RELN: variants seen among roughly 807,000 people sequenced by gnomAD.
RELN encodes reelin.
RELN carries 108 observed loss-of-function variants against 427.6 expected under a neutral mutation model. The observed-to-expected ratio is 0.25, with a 90% CI of 0.22 to 0.30. The LOEUF is 0.30. Among genes scored for constraint, RELN ranks in the 10% least tolerant of loss-of-function variants. RELN has a pLI of 1.00. For missense variants in RELN, 3,715 were observed against 4,302.8 expected (o/e 0.86, Z 3.82); for synonymous variants, 1,524 against 1,513.4 (o/e 1.01, Z -0.16).
chr7:103,974,917 T>C (rs910299246), intron 1 of RELN, among the ~76,000 whole-genome samples: 3 of 152,236 alleles, frequency 2.0e-5, no homozygotes, highest in African/African-American at 7.2e-5. Flanking sequence ...TTTAAATCTA[T>C]TATAGTTTCT....
chr7:103,507,385 A>G (rs965566571), intron 51 of RELN, among the ~76,000 whole-genome samples: 3 of 152,196 alleles, frequency 2.0e-5, no homozygotes, highest in Non-Finnish European at 1.5e-5. Context: ...AACTCACTCA[A>G]ATCCACACAA....
chr7:103,983,103 C>G (rs1362786154), intron 1 of RELN, among the ~76,000 whole-genome samples: 2 of 152,172 alleles, frequency 1.3e-5, no homozygotes, highest in African/African-American at 4.8e-5. Flanking sequence ...GGATTCAATG[C>G]TATCTAATTA....
At chr7:103,587,953 A>G (rs1296883509) in intron 28 of RELN, among the ~76,000 whole-genome samples, 2 of 152,200 alleles carry the variant, frequency 1.3e-5, no homozygotes, top group Non-Finnish European at 2.9e-5. Flanking sequence ...GTAAACTAGT[A>G]CAGCCACTGT....
At chr7:103,638,567 A>G (rs1832631662) in intron 17 of RELN, among the ~76,000 whole-genome samples, 1 of 152,184 alleles carries the variant, frequency 6.6e-6, no homozygotes, top group Non-Finnish European at 1.5e-5. Context: ...TTTCTGTGTG[A>G]TTTTGCTCAA....
In RELN at chr7:103,575,645, A is replaced by T. The variant is rs1830981014; in HGVS notation, c.4206T>A (p.Gly1402=). The change falls in exon 29 of 65, where the codon GGT becomes GGA. Residue 1402 remains glycine, a synonymous_variant. Transcript: ENST00000428762. ...GCTCGGATATGTACACTCCATCTAAACCAAATGGAGGCACGTTTTTCTGTG... is the reference window on the plus strand; with the variant it reads ...GCTCGGATATGTACACTCCATCTAATCCAAATGGAGGCACGTTTTTCTGTG... ...SSSQKNVPPF[G]LDGVYISEPC... 1 of 1,613,964 alleles carries T rather than the reference A, an allele frequency of 6.2e-7. No homozygotes were observed. Among genetic ancestry groups the T allele is most frequent in the South Asian group, 1.1e-5 (1 of 91,078 alleles).
chr7:103,909,769 TAA>T (rs1795314218), intron 2 of RELN, among the ~76,000 whole-genome samples: 1 of 86,888 alleles, frequency 1.2e-5, no homozygotes, highest in East Asian at 3.7e-4. Flanking sequence ...TATATATATT[TAA>T]TATATATAAA....
At chr7:103,790,069 C>A (rs958398800) in intron 3 of RELN, among the ~76,000 whole-genome samples, 8 of 152,116 alleles carry the variant, frequency 5.3e-5, no homozygotes, top group African/African-American at 1.7e-4. Context: ...TCATTCTCAG[C>A]AAACTAACAC....
chr7:103,860,013 T>G (rs1010143381), intron 2 of RELN, among the ~76,000 whole-genome samples: 2 of 152,152 alleles, frequency 1.3e-5, no homozygotes, highest in African/African-American at 4.8e-5. Flanking sequence ...TTAAGCTCTA[T>G]CCTCTAAAGG....
rs775279412 is a variant in RELN at position 103,497,809 on chromosome 7, C to T, written c.8950+11G>A. On this transcript the variant is annotated intron_variant, in intron 55 of 64. Coordinates refer to ENST00000428762, the MANE Select transcript of RELN (RefSeq NM_005045.4). ...CTGCTCCAAGGGGTGGTTTTCACCC[C>T]TGACACATGCCTCCATCGGTAGAGT... The T allele has an allele frequency of 2.5e-6, 4 of 1,612,916 alleles. No individual in the cohort carries two copies. Among genetic ancestry groups the T allele is most frequent in the African/African-American group, 2.7e-5 (2 of 75,024 alleles).
At chr7:103,554,364 C>T (rs1368436634) in intron 38 of RELN, among the ~76,000 whole-genome samples, 1 of 151,122 alleles carries the variant, frequency 6.6e-6, no homozygotes, top group South Asian at 2.1e-4. Flanking sequence ...ATTGCCCAAG[C>T]CTGGGCAATA....
intron 29 of RELN, among the ~76,000 whole-genome samples, chr7:103,575,235 G>T (rs999348371): frequency 3.3e-5 from 5 of 152,186 alleles, no homozygotes; most frequent in Non-Finnish European, 5.9e-5. Flanking sequence ...TAGAATTAAA[G>T]GGGATGAAAT....
chr7:103,929,239 C>T (rs941098864), intron 1 of RELN, among the ~76,000 whole-genome samples: 17 of 152,258 alleles, frequency 1.1e-4, no homozygotes, highest in Non-Finnish European at 2.4e-4. Context: ...GTAATTTTTT[C>T]AGCATAATGG....
intron 16 of RELN, among the ~76,000 whole-genome samples, chr7:103,646,646 A>G (rs1308401835): frequency 1.3e-5 from 2 of 151,950 alleles, no homozygotes; most frequent in Non-Finnish European, 2.9e-5. Context: ...CCCAACAAAT[A>G]AAAGCTCTCA....
At chr7:103,781,548 T>C (rs1563009756) in intron 3 of RELN, among the ~76,000 whole-genome samples, 1 of 152,142 alleles carries the variant, frequency 6.6e-6, no homozygotes, top group African/African-American at 2.4e-5. Context: ...ATCCACTCTT[T>C]TAGCATTTTC....
intron 36 of RELN, among the ~76,000 whole-genome samples, chr7:103,560,175 T>C (rs1296305168): frequency 6.6e-6 from 1 of 152,208 alleles, no homozygotes; most frequent in Non-Finnish European, 1.5e-5. Flanking sequence ...CTTTTTCAGG[T>C]TCAGTGATCC....
intron 53 of RELN, 134 bp from the exon 54 acceptor site, chr7:103,498,386 A>C (rs989318180): frequency 3.8e-5 from 30 of 795,274 alleles, no homozygotes; most frequent in African/African-American, 3.3e-4. Flanking sequence ...AAGATGTTTA[A>C]AAAAGGCTAT....
At chr7:103,743,692 C>G (rs946629925) in intron 6 of RELN, among the ~76,000 whole-genome samples, 1 of 152,170 alleles carries the variant, frequency 6.6e-6, no homozygotes, top group African/African-American at 2.4e-5. Flanking sequence ...GTAAAGGGAT[C>G]AATTCAACAA....
chr7:103,841,324 T>C (rs1793546361), intron 2 of RELN, among the ~76,000 whole-genome samples: 1 of 152,176 alleles, frequency 6.6e-6, no homozygotes, highest in Non-Finnish European at 1.5e-5. Flanking sequence ...TTTAATAAAG[T>C]ATGGATGTTT....
At chr7:103,606,025 A>G (rs1186908740) in intron 22 of RELN, among the ~76,000 whole-genome samples, 1 of 152,220 alleles carries the variant, frequency 6.6e-6, no homozygotes, top group Non-Finnish European at 1.5e-5. Context: ...TCACAGTCCC[A>G]CTAAGAAATG....
Sources: allele counts gnomAD v4.1 joint callset (sites outside exome capture counted in the v4.1 genomes callset), GRCh38; gene constraint gnomAD v4.1.1; transcripts MANE v1.5; gene names NCBI Gene and HGNC (gene_info 2026-07-23, HGNC 2026-07-21).